The following ZNF236 variants were observed in gnomAD, a reference collection of about 807,000 sequenced individuals.
The protein encoded by ZNF236 is regulated by glucose.
Under a neutral mutation model 191.2 loss-of-function variants are expected in ZNF236, and 50 were observed. The ratio of observed to expected loss-of-function variants is 0.26; its 90% confidence interval spans 0.21 to 0.33. ZNF236 has a LOEUF of 0.33. ZNF236 is among the 10% of genes least tolerant of loss of function. The pLI is 1.00. For synonymous variants in ZNF236, 907 were observed against 928.8 expected (o/e 0.98, Z 0.43); for missense variants, 1,754 against 2,374.5 (o/e 0.74, Z 5.43).
chr18:76,901,368 T>A (rs1977587067), intron 11 of ZNF236, among the ~76,000 whole-genome samples: 1 of 152,210 alleles, frequency 6.6e-6, no homozygotes, highest in Non-Finnish European at 1.5e-5. Flanking sequence ...ATGAATCTTT[T>A]CTAAAATAAT....
In ZNF236 at chr18:76,880,344, G is replaced by A. The variant is rs1389296530; in HGVS notation, c.1188+28G>A. The A allele has an allele frequency of 1.3e-6, 2 of 1,577,706 alleles. No homozygotes were observed. The highest frequency in any genetic ancestry group is 1.8e-5 in the Admixed American group (1 of 56,560). ...GAAGCACGCTTCCCTGCGGTGTGAG[G>A]CTTACGTGCTCGTGCTGGGTCAGAA... On this transcript the variant is annotated intron_variant, in intron 8 of 30. Transcript: ENST00000320610. This position sits in a 1 kb window ranked among gnomAD's most constrained non-coding sequence, Gnocchi z 5.0.
Position 76,923,071 on chromosome 18 carries a change from G to A in ZNF236, c.3558G>A (p.Arg1186=), listed in dbSNP as rs746581858. 4 of 1,607,884 alleles carry A rather than the reference G, an allele frequency of 2.5e-6. No individual in the cohort carries two copies. The African/African-American group carries it at 4.0e-5, about 16-fold the overall frequency. Residue 1186 remains arginine (R), a splice_region_variant and synonymous_variant, in exon 21 of 31, where the codon AGG becomes AGA. Coordinates refer to ENST00000320610, the MANE Select transcript of ZNF236 (RefSeq NM_001306089.2). ...KSFKKPSDLV[R]HVRIHTGEKP... Reference sequence around the variant, plus strand: ...TCTATAATTAATGCTTTTTGGATAGGCATGTTCGAATCCATACTGGAGAAA... The same window carrying A: ...TCTATAATTAATGCTTTTTGGATAGACATGTTCGAATCCATACTGGAGAAA...
At chr18:76,843,173 C>T (rs999376434) in intron 1 of ZNF236, among the ~76,000 whole-genome samples, 17 of 151,926 alleles carry the variant, frequency 1.1e-4, no homozygotes, top group African/African-American at 3.1e-4. Flanking sequence ...TTAAATCTAA[C>T]GTAGGCAGTT....
At chr18:76,955,871 G>T in intron 27 of ZNF236, 114 bp from the exon 28 acceptor site, 1 of 1,178,744 alleles carries the variant, frequency 8.5e-7, no homozygotes. Context: ...TGCAGTGTGG[G>T]CTTGGCGTGT....
chr18:76,926,704 G>A (rs1967692394), intron 22 of ZNF236, among the ~76,000 whole-genome samples: 1 of 76,698 alleles, frequency 1.3e-5, no homozygotes, highest in Admixed American at 1.4e-4. Flanking sequence ...TAGACTGTGT[G>A]TATGGTATAA....
At position 76,943,696 on chromosome 18, in the gene ZNF236, A is replaced by C. The variant is rs558570657; in HGVS notation, c.4783-3825A>C. On this transcript the variant is annotated intron_variant, in intron 26 of 30. Coordinates refer to ENST00000320610, the MANE Select transcript of ZNF236 (RefSeq NM_001306089.2). ...TATTACAGACTCCTGATGGGAAAAG[A>C]AGCCAATTCTGAAGTAACAAGTTAG... is the stretch of plus-strand genomic sequence containing the variant. Among the ~76,000 whole-genome samples, 400 of 152,356 alleles carry C rather than the reference A, an allele frequency of 2.6e-3. 2 individuals carry two copies. Among genetic ancestry groups the C allele is most frequent in the South Asian group, 3.9e-3 (19 of 4,832 alleles).
chr18:76,822,812 G>T (rs957776995), intron 1 of ZNF236, 150 bp downstream of exon 1: 1 of 146,034 alleles, frequency 6.8e-6, no homozygotes, highest in African/African-American at 2.5e-5. Context: ...CCGCCGACTG[G>T]CCGGGCGGGC....
chr18:76,947,444 C>A, intron 26 of ZNF236, 77 bp from the exon 27 acceptor site: 1 of 1,526,620 alleles, frequency 6.6e-7, no homozygotes, highest in South Asian at 1.2e-5. Flanking sequence ...AAGGTAGCTG[C>A]ACCATAAAAG....
At chr18:76,968,033 A>G (rs182809954) in intron 30 of ZNF236, among the ~76,000 whole-genome samples, 182 bp from the exon 31 acceptor site, 1 of 152,296 alleles carries the variant, frequency 6.6e-6, no homozygotes, top group East Asian at 1.9e-4. Context: ...AACAGTAACT[A>G]CTGTCCTGCC....
At chr18:76,905,527 C>T (rs1444537300) in intron 13 of ZNF236, 112 bp downstream of exon 13, 4 of 882,182 alleles carry the variant, frequency 4.5e-6, no homozygotes, top group African/African-American at 3.8e-5. Context: ...ATTTCTAGCT[C>T]ATACTATATG....
rs1027286898 is a variant in ZNF236, at chr18:76,878,689, T to A, written c.984+537T>A. Among the ~76,000 whole-genome samples the A allele has an allele frequency of 2.0e-5, 3 of 152,086 alleles. No homozygotes were observed. The East Asian group carries it at 5.8e-4, about 29-fold the overall frequency. The stretch of plus-strand genomic sequence containing the variant: ...TTCTGTAGGCGTCTTTAGCTCAGTC[T>A]CATTTAGTTACTCGTACTGCACTAC... On this transcript the variant is annotated intron_variant, in intron 7 of 30. Coordinates refer to ENST00000320610, the MANE Select transcript of ZNF236 (RefSeq NM_001306089.2).
chr18:76,968,269 G>T lies in ZNF236; in HGVS notation c.5474G>T (p.Arg1825Leu). ...GAGCAGGACGGGGAGGAGCTGAGCCGGACCCTCCACCTGGAGGAGGTGGTG... is the reference window on the plus strand; with the variant it reads ...GAGCAGGACGGGGAGGAGCTGAGCCTGACCCTCCACCTGGAGGAGGTGGTG... ...HPEQDGEELS[R>L]TLHLEEVVQE... Residue 1825 changes from arginine to leucine, a missense_variant, in exon 31 of 31, where the codon CGG becomes CTG. Arg to Leu is a moderately radical substitution (Grantham distance 102). Coordinates refer to ENST00000320610, the MANE Select transcript of ZNF236 (RefSeq NM_001306089.2). 6.2e-7 allele frequency: 1 copy of T among 1,611,724 alleles called. No individual in the cohort carries two copies. The highest frequency in any genetic ancestry group is 8.5e-7 in the Non-Finnish European group (1 of 1,179,372).
rs745497763 is a variant in ZNF236, at chr18:76,895,008, C to T, written c.1418-5C>T. ...CCAAGCGGGACGTGTCCTCTCCCTT[C>T]ACAGGCTCCATCCGCGAGGAGAACG... On this transcript the variant is annotated splice_region_variant and splice_polypyrimidine_tract_variant and intron_variant, in intron 9 of 30. Coordinates refer to ENST00000320610, the MANE Select transcript of ZNF236 (RefSeq NM_001306089.2). 28 of 1,607,760 alleles carry T rather than the reference C, an allele frequency of 1.7e-5. No homozygotes were observed. Among genetic ancestry groups the T allele is most frequent in the Admixed American group, 1.5e-4 (9 of 59,998 alleles).
chr18:76,889,262 A>G (rs1253255436), intron 9 of ZNF236, among the ~76,000 whole-genome samples: 1 of 152,194 alleles, frequency 6.6e-6, no homozygotes, highest in African/African-American at 2.4e-5. Context: ...CTCCTATGGA[A>G]GTAATCAGCA....
chr18:76,872,411 G>A (rs986389638), intron 5 of ZNF236, among the ~76,000 whole-genome samples: 1 of 152,230 alleles, frequency 6.6e-6, no homozygotes, highest in African/African-American at 2.4e-5. Context: ...GCTGCAGTGA[G>A]CTATGATCGT....
At chr18:76,826,419 C>T (rs986334633) in intron 1 of ZNF236, among the ~76,000 whole-genome samples, 7 of 151,562 alleles carry the variant, frequency 4.6e-5, no homozygotes, top group Admixed American at 3.9e-4. Context: ...CTACCGCGAC[C>T]GGCCTGGAAA....
chr18:76,869,669 T>C (rs1300013289), intron 4 of ZNF236, among the ~76,000 whole-genome samples: 1 of 152,150 alleles, frequency 6.6e-6, no homozygotes, highest in Non-Finnish European at 1.5e-5. Context: ...TAAAAGGCAA[T>C]ATTGGGCCAG....
At chr18:76,951,024 T>C (rs1338848628) in intron 27 of ZNF236, among the ~76,000 whole-genome samples, 2 of 152,246 alleles carry the variant, frequency 1.3e-5, no homozygotes, top group Non-Finnish European at 2.9e-5. Flanking sequence ...GACCAGTAGG[T>C]CTCAGCAGTG....
intron 25 of ZNF236, among the ~76,000 whole-genome samples, chr18:76,928,910 A>G (rs566309369): frequency 1.3e-5 from 2 of 151,694 alleles, no homozygotes; most frequent in East Asian, 3.9e-4. Context: ...ATATTAACTC[A>G]TTCAATATTA....
Sources: gnomAD v4.1 joint callset for allele counts (sites outside exome capture counted in the v4.1 genomes callset) on GRCh38, gnomAD v4.1.1 for gene constraint, Gnocchi (gnomAD v3.1) non-coding constraint, MANE v1.5 for transcripts, NCBI Gene and HGNC (gene_info 2026-07-23, HGNC 2026-07-21) for gene names.